The following CNOT4 variants were observed in gnomAD, a reference collection of about 807,000 sequenced individuals.
CNOT4 encodes the protein CCR4-NOT transcription complex subunit 4.
CNOT4 carries 8 observed loss-of-function variants against 73.8 expected under a neutral mutation model. The observed-to-expected ratio is 0.11, with a 90% CI of 0.06 to 0.20. The LOEUF (loss-of-function observed/expected upper bound fraction) is 0.20, where lower values mean the gene tolerates loss of function less well. Ranked by LOEUF, CNOT4 falls within the 10% of genes least tolerant of loss-of-function variation. The pLI, the probability that CNOT4 is intolerant of heterozygous loss-of-function variation, is 1.00. For missense variants in CNOT4, 564 were observed against 883.4 expected (o/e 0.64, Z 4.58); for synonymous variants, 293 against 321.1 (o/e 0.91, Z 0.94).
At chr7:135,409,117 A>G (rs1056812880) in intron 7 of CNOT4, among the ~76,000 whole-genome samples, 3 of 152,336 alleles carry the variant, frequency 2.0e-5, no homozygotes, top group African/African-American at 7.2e-5. Context: ...AATGCAAACA[A>G]TGATGTGCAT....
intron 2 of CNOT4, among the ~76,000 whole-genome samples, chr7:135,427,609 C>T (rs931393584): frequency 6.6e-6 from 1 of 152,142 alleles, no homozygotes; most frequent in African/African-American, 2.4e-5. Context: ...TATGGAAGAC[C>T]ATAATTTATG....
At chr7:135,437,321 C>T (rs535686466) in intron 2 of CNOT4, among the ~76,000 whole-genome samples, 13 of 152,282 alleles carry the variant, frequency 8.5e-5, no homozygotes, top group African/African-American at 3.1e-4. Context: ...TCCCAAGTAG[C>T]TGGGACTATA....
chr7:135,466,062 TA>T (rs1484622115), intron 1 of CNOT4, among the ~76,000 whole-genome samples: 2 of 151,108 alleles, frequency 1.3e-5, no homozygotes, highest in African/African-American at 4.9e-5. Flanking sequence ...TAATAATAAA[TA>T]AAAATTAAAA....
chr7:135,495,203 C>A (rs534624772), intron 1 of CNOT4, among the ~76,000 whole-genome samples: 1 of 152,056 alleles, frequency 6.6e-6, no homozygotes, highest in South Asian at 2.1e-4. Context: ...ACAAACATGG[C>A]AAAACTCCAT....
chr7:135,370,482 A>G lies in CNOT4; in HGVS notation c.1628-6416T>C, dbSNP rs192450241. Reference sequence around the variant, plus strand: ...CGAAGTCTCTTCTCTTCCACCGGCCAGCACTTAGGGTCTGAACCATTCATC... The same window carrying G: ...CGAAGTCTCTTCTCTTCCACCGGCCGGCACTTAGGGTCTGAACCATTCATC... On this transcript the variant is annotated intron_variant, in intron 10 of 11. Transcript: ENST00000541284. Among the ~76,000 whole-genome samples, 36 of 152,268 alleles carry G rather than the reference A, an allele frequency of 2.4e-4. No homozygotes were observed. The East Asian group carries it at 6.7e-3, about 29-fold the overall frequency.
chr7:135,473,826 G>A (rs1801803240), intron 1 of CNOT4, among the ~76,000 whole-genome samples: 1 of 152,140 alleles, frequency 6.6e-6, no homozygotes, highest in Admixed American at 6.6e-5. Flanking sequence ...TCAAATTGCA[G>A]GATAAAAGTA....
At chr7:135,456,094 CCATT>C (rs1455163514) in intron 1 of CNOT4, among the ~76,000 whole-genome samples, 1 of 152,174 alleles carries the variant, frequency 6.6e-6, no homozygotes, top group Non-Finnish European at 1.5e-5. Context: ...GCTTTACTGG[CCATT>C]CAAACATTAC....
rs545729462 is a variant in CNOT4 at position 135,500,353 on chromosome 7, C to T, written c.-93+9536G>A. ...GAAACAAGAAACCTACTTTTTTCCC[C>T]CAGCTTTAAAATAAAATGTAAAATT... On this transcript the variant is annotated intron_variant, in intron 1 of 11. Transcript: ENST00000541284. Among the ~76,000 whole-genome samples, 100 of 152,046 alleles carry T rather than the reference C, an allele frequency of 6.6e-4. No homozygotes were observed. The South Asian group carries it at 9.8e-3, about 15-fold the overall frequency.
intron 3 of CNOT4, among the ~76,000 whole-genome samples, chr7:135,421,949 T>C (rs768331481): frequency 1.4e-4 from 22 of 152,218 alleles, no homozygotes; most frequent in Non-Finnish European, 2.8e-4. Context: ...ACTGAAGAAA[T>C]TGAAGCCAAG....
intron 1 of CNOT4, among the ~76,000 whole-genome samples, chr7:135,452,900 G>C (rs375785821): frequency 6.6e-6 from 1 of 152,160 alleles, no homozygotes; most frequent in Admixed American, 6.6e-5. Flanking sequence ...AATCAAATCT[G>C]CACAAAATCG....
intron 1 of CNOT4, among the ~76,000 whole-genome samples, chr7:135,473,749 G>A (rs1320147847): frequency 1.3e-5 from 2 of 152,076 alleles, no homozygotes; most frequent in Non-Finnish European, 2.9e-5. Context: ...AGTCTTAAGA[G>A]GGAGAAAGAA....
intron 10 of CNOT4, among the ~76,000 whole-genome samples, chr7:135,392,354 C>A (rs563744942): frequency 1.1e-3 from 173 of 152,232 alleles, no homozygotes; most frequent in Non-Finnish European, 2.1e-3. Flanking sequence ...TAGAAACCCT[C>A]ATATTCACTG....
chr7:135,387,555 T>C (rs1796184872), intron 10 of CNOT4: 1 of 759,860 alleles, frequency 1.3e-6, no homozygotes, highest in African/African-American at 2.1e-5. Flanking sequence ...CCTTTCATAC[T>C]TTTTTTTTTA....
At chr7:135,479,896 A>G (rs987751361) in intron 1 of CNOT4, among the ~76,000 whole-genome samples, 1 of 152,202 alleles carries the variant, frequency 6.6e-6, no homozygotes, top group Admixed American at 6.5e-5. Context: ...CATCAAAAAA[A>G]CAAAACAAAA....
intron 1 of CNOT4, among the ~76,000 whole-genome samples, chr7:135,468,596 G>A (rs1248211778): frequency 2.0e-5 from 3 of 150,460 alleles, no homozygotes; most frequent in Non-Finnish European, 4.4e-5. Context: ...CATGAGAATC[G>A]CTTGAACTCA....
chr7:135,432,159 A>G (rs1798889587), intron 2 of CNOT4, among the ~76,000 whole-genome samples: 1 of 152,236 alleles, frequency 6.6e-6, no homozygotes, highest in Non-Finnish European at 1.5e-5. Context: ...TATAATCATC[A>G]ATGGACAGAA....
intron 3 of CNOT4, among the ~76,000 whole-genome samples, chr7:135,417,318 A>T (rs953101594): frequency 1.3e-5 from 2 of 152,246 alleles, no homozygotes; most frequent in Non-Finnish European, 2.9e-5. Context: ...CACCTTGAAT[A>T]GCAAGGTTCT....
At chr7:135,419,028 A>C (rs552674505) in intron 3 of CNOT4, among the ~76,000 whole-genome samples, 1 of 152,180 alleles carries the variant, frequency 6.6e-6, no homozygotes, top group African/African-American at 2.4e-5. Flanking sequence ...TAGGTATTCA[A>C]GAATTAATTT....
At chr7:135,425,133 A>G (rs1441737994) in intron 2 of CNOT4, among the ~76,000 whole-genome samples, 1 of 152,238 alleles carries the variant, frequency 6.6e-6, no homozygotes, top group Non-Finnish European at 1.5e-5. Flanking sequence ...AGCACTCTAT[A>G]TCAGTCCTCA....
Sources: gnomAD v4.1 joint callset for allele counts (sites outside exome capture counted in the v4.1 genomes callset) on GRCh38, gnomAD v4.1.1 for gene constraint, MANE v1.5 for transcripts, NCBI Gene and HGNC (gene_info 2026-07-23, HGNC 2026-07-21) for gene names.